The following HNRNPLL variants were observed in gnomAD, a reference collection of about 807,000 sequenced individuals.
The protein encoded by HNRNPLL is heterogeneous nuclear ribonucleoprotein L-like.
HNRNPLL carries 25 observed loss-of-function variants against 67.1 expected under a neutral mutation model. The ratio of observed to expected loss-of-function variants is 0.37; its 90% CI spans 0.27 to 0.52. HNRNPLL has a LOEUF of 0.52. Ranked by LOEUF, HNRNPLL falls within the 20% of genes least tolerant of loss-of-function variation. The pLI is 0.90. For synonymous variants in HNRNPLL, 267 were observed against 241.7 expected (o/e 1.10, Z -0.97); for missense variants, 542 against 673.9 (o/e 0.80, Z 2.17).
At position 38,573,306 on chromosome 2, in the gene HNRNPLL, G is replaced by C. The variant is rs1666166943; in HGVS notation, c.996C>G (p.Pro332=). Residue 332 remains proline (P), a synonymous_variant, in exon 8 of 13, where the codon CCC becomes CCG. Coordinates refer to ENST00000449105, the MANE Select transcript of HNRNPLL (RefSeq NM_138394.4). Reference sequence around the variant, plus strand: ...CACTAACCATTACAACTGAACCAGAGGGATTTCCTCCATGCATGTAAGAGG... The same window carrying C: ...CACTAACCATTACAACTGAACCAGACGGATTTCCTCCATGCATGTAAGAGG... ...ASSSYMHGGN[P]SGSVVMVSGL... is the part of the protein sequence containing the mutation. 6.2e-7 allele frequency: 1 copy of C among 1,612,108 alleles called. No individual in the cohort carries two copies. Among genetic ancestry groups the C allele is most frequent in the Non-Finnish European group, 8.5e-7 (1 of 1,178,964 alleles).
At chr2:38,602,214 G>A in intron 1 of HNRNPLL, 1 of 515,966 alleles carries the variant, frequency 1.9e-6, no homozygotes, top group Non-Finnish European at 3.4e-6. Context: ...CCCGGCAGTG[G>A]ACTCGCTGCG....
intron 4 of HNRNPLL, 65 bp downstream of exon 4, chr2:38,583,776 T>A: frequency 1.3e-6 from 1 of 763,554 alleles, no homozygotes; most frequent in Non-Finnish European, 2.1e-6. Flanking sequence ...CTAGAAATGC[T>A]TAAGCCAGAA....
At chr2:38,577,838 G>C (rs1666358236) in intron 6 of HNRNPLL, 1 of 454,768 alleles carries the variant, frequency 2.2e-6, no homozygotes, top group African/African-American at 2.0e-5. Flanking sequence ...CACAATGCTA[G>C]AAGTTTGACA....
At chr2:38,591,705 G>C in intron 1 of HNRNPLL, 57 bp from the exon 2 acceptor site, 1 of 1,117,722 alleles carries the variant, frequency 8.9e-7, no homozygotes, top group African/African-American at 1.5e-5. Context: ...GCCGAACGCG[G>C]TGGCTCACGC....
intron 1 of HNRNPLL, among the ~76,000 whole-genome samples, chr2:38,600,236 T>A (rs1369396122): frequency 1.3e-5 from 2 of 152,114 alleles, no homozygotes; most frequent in African/African-American, 4.8e-5. Flanking sequence ...ATATCAGCAG[T>A]AAGATAAACA....
intron 9 of HNRNPLL, 40 bp from the exon 10 acceptor site, chr2:38,569,374 T>C (rs1361610803): frequency 2.1e-6 from 3 of 1,446,308 alleles, no homozygotes; most frequent in East Asian, 4.6e-5. Context: ...AGTACTTTGT[T>C]AGATAAAAAG....
At chr2:38,585,475 C>G (rs1449216045) in intron 3 of HNRNPLL, among the ~76,000 whole-genome samples, 169 bp downstream of exon 3, 1 of 152,158 alleles carries the variant, frequency 6.6e-6, no homozygotes. Context: ...TTTTTAACTA[C>G]AGTGCTCAGC....
At chr2:38,570,313 T>C (rs1313624711) in intron 8 of HNRNPLL, among the ~76,000 whole-genome samples, 2 of 152,226 alleles carry the variant, frequency 1.3e-5, no homozygotes, top group Non-Finnish European at 2.9e-5. Flanking sequence ...TGATAAGCAC[T>C]GTGGTAGGTA....
intron 8 of HNRNPLL, among the ~76,000 whole-genome samples, chr2:38,570,710 T>C (rs1666044037): frequency 6.6e-6 from 1 of 152,150 alleles, no homozygotes; most frequent in Non-Finnish European, 1.5e-5. Context: ...CCCTTATCTT[T>C]GAGGGATACA....
intron 2 of HNRNPLL, among the ~76,000 whole-genome samples, chr2:38,588,463 C>T (rs899564143): frequency 5.4e-5 from 8 of 147,204 alleles, no homozygotes; most frequent in Non-Finnish European, 1.0e-4. Flanking sequence ...GCAGGAGAAT[C>T]GCTTGAACTT....
chr2:38,599,102 G>C (rs750816226), intron 1 of HNRNPLL, among the ~76,000 whole-genome samples: 3 of 152,222 alleles, frequency 2.0e-5, no homozygotes, highest in Admixed American at 6.5e-5. Context: ...AAGTATAACA[G>C]AATAGTGTAT....
chr2:38,599,176 C>T (rs1187181255), intron 1 of HNRNPLL, among the ~76,000 whole-genome samples: 1 of 152,226 alleles, frequency 6.6e-6, no homozygotes, highest in Admixed American at 6.5e-5. Context: ...CTAGGAGCAA[C>T]AATTTTATCT....
chr2:38,569,783 T>A (rs909773223), intron 9 of HNRNPLL, 21 bp downstream of exon 9: 1 of 1,229,980 alleles, frequency 8.1e-7, no homozygotes. Flanking sequence ...TTAAAATTTA[T>A]CATTTAAGAT....
intron 12 of HNRNPLL, chr2:38,565,967 TG>T: frequency 3.6e-6 from 3 of 831,852 alleles, no homozygotes; most frequent in Non-Finnish European, 2.9e-6. Flanking sequence ...AATCATTCAT[TG>T]TTTTTTTTTC....
At chr2:38,587,164 G>A (rs985561089) in intron 2 of HNRNPLL, among the ~76,000 whole-genome samples, 1 of 152,122 alleles carries the variant, frequency 6.6e-6, no homozygotes. Context: ...CTACACTATG[G>A]AAACTAACAA....
chr2:38,594,737 G>A (rs2148383229), intron 1 of HNRNPLL, among the ~76,000 whole-genome samples: 1 of 152,080 alleles, frequency 6.6e-6, no homozygotes, highest in East Asian at 1.9e-4. Flanking sequence ...ATCACCTGAG[G>A]TCAGGAGTTC....
intron 12 of HNRNPLL, chr2:38,566,072 A>C (rs952754197): frequency 1.0e-6 from 1 of 987,896 alleles, no homozygotes; most frequent in African/African-American, 1.7e-5. Context: ...ATTACACAGC[A>C]AAAAGTTTCA....
chr2:38,585,103 A>C (rs1278934545), intron 3 of HNRNPLL, among the ~76,000 whole-genome samples: 1 of 152,200 alleles, frequency 6.6e-6, no homozygotes, highest in East Asian at 1.9e-4. Context: ...TTACTAGCTT[A>C]TTATGAAACA....
chr2:38,602,303 A>T (rs1012649970), intron 1 of HNRNPLL, 135 bp downstream of exon 1: 1 of 785,336 alleles, frequency 1.3e-6, no homozygotes, highest in African/African-American at 1.8e-5. Flanking sequence ...AGCCCCAAAG[A>T]GAAGAGTGGG....
Sources: allele counts gnomAD v4.1 joint callset (sites outside exome capture counted in the v4.1 genomes callset), GRCh38; gene constraint gnomAD v4.1.1; transcripts MANE v1.5; gene names NCBI Gene and HGNC (gene_info 2026-07-23, HGNC 2026-07-21).